The following ITFG1 variants were observed in gnomAD, a reference collection of about 807,000 sequenced individuals.
ITFG1 encodes integrin alpha FG-GAP repeat containing 1.
Under a neutral mutation model 81.8 loss-of-function variants are expected in ITFG1, and 34 were observed. The observed-to-expected ratio is 0.42, with a 90% CI of 0.32 to 0.55. The LOEUF (loss-of-function observed/expected upper bound fraction) is 0.55. ITFG1 is among the 20% of genes least tolerant of loss of function. The probability of loss-of-function intolerance (pLI) is 0.17; values close to 1 mark genes in which losing one functional copy is unlikely to be tolerated. For missense variants in ITFG1, 672 were observed against 755.4 expected (o/e 0.89, Z 1.29); for synonymous variants, 285 against 270.6 (o/e 1.05, Z -0.52).
In ITFG1 at chr16:47,274,147, C is replaced by T. The variant is rs866432856; in HGVS notation, c.1071-13452G>A. Among the ~76,000 whole-genome samples the T allele has an allele frequency of 4.6e-5, 7 of 152,046 alleles. No homozygotes were observed. The South Asian group carries it at 1.0e-3, about 23-fold the overall frequency. On this transcript the variant is annotated intron_variant, in intron 10 of 17. Coordinates refer to ENST00000320640, the MANE Select transcript of ITFG1 (RefSeq NM_030790.5). ...TGGTGGGTGCCTGTAATCCCAACTA[C>T]TCGGGAGGCTGAGGCAGGAGAATCG...
At chr16:47,311,981 A>T (rs1967272125) in intron 9 of ITFG1, 1 of 152,158 alleles carries the variant, frequency 6.6e-6, no homozygotes, top group South Asian at 2.1e-4. Context: ...TCAGTAACTG[A>T]CAGGCACTTC....
At chr16:47,411,940 A>C (rs1968816913) in intron 6 of ITFG1, among the ~76,000 whole-genome samples, 1 of 152,174 alleles carries the variant, frequency 6.6e-6, no homozygotes, top group South Asian at 2.1e-4. Flanking sequence ...ACCACCAAAA[A>C]AAATTCTTCC....
At chr16:47,229,866 G>A (rs139654262) in intron 13 of ITFG1, among the ~76,000 whole-genome samples, 2 of 152,194 alleles carry the variant, frequency 1.3e-5, no homozygotes, top group East Asian at 1.9e-4. Flanking sequence ...GCTCATGTGC[G>A]GTTTCATGTC....
At chr16:47,399,871 A>T (rs911649086) in intron 6 of ITFG1, among the ~76,000 whole-genome samples, 1 of 152,150 alleles carries the variant, frequency 6.6e-6, no homozygotes, top group African/African-American at 2.4e-5. Flanking sequence ...CTACATATGT[A>T]TGCTTTTATT....
intron 5 of ITFG1, among the ~76,000 whole-genome samples, chr16:47,441,320 C>T (rs1444215461): frequency 6.6e-6 from 1 of 152,210 alleles, no homozygotes; most frequent in Non-Finnish European, 1.5e-5. Context: ...TCCTCCCTAA[C>T]TCATTTTATG....
At chr16:47,364,577 A>T (rs1968151278) in intron 8 of ITFG1, among the ~76,000 whole-genome samples, 1 of 152,204 alleles carries the variant, frequency 6.6e-6, no homozygotes, top group South Asian at 2.1e-4. Flanking sequence ...TAGCCAGAAA[A>T]TTCCAAAAAA....
intron 6 of ITFG1, among the ~76,000 whole-genome samples, chr16:47,424,514 C>G (rs1968994288): frequency 1.3e-5 from 2 of 152,248 alleles, no homozygotes; most frequent in South Asian, 2.1e-4. Context: ...AAGAGGTGCT[C>G]TGGTTTTTGG....
At chr16:47,451,642 G>A (rs1367344313) in intron 4 of ITFG1, among the ~76,000 whole-genome samples, 172 bp from the exon 5 acceptor site, 1 of 152,134 alleles carries the variant, frequency 6.6e-6, no homozygotes, top group Non-Finnish European at 1.5e-5. Context: ...TCACTTTTAG[G>A]CCAAAGTGTA....
chr16:47,239,414 T>A lies in ITFG1; in HGVS notation c.1331-1406A>T, dbSNP rs576803610. 2.6e-4 allele frequency among the ~76,000 whole-genome samples: 40 copies of A among 152,234 alleles called. No individual in the cohort carries two copies. The East Asian group carries it at 4.4e-3, about 17-fold the overall frequency. On this transcript the variant is annotated intron_variant, in intron 12 of 17. Transcript: ENST00000320640. ...CGGGGTTTCACCATGCTGGCCAGGA[T>A]GGTCTCAATCTCTTGACCTTGTGAT...
At position 47,161,796 on chromosome 16, in the gene ITFG1, T is replaced by C. The variant is rs1964809845; in HGVS notation, c.1615A>G (p.Asn539Asp). 1.2e-6 allele frequency: 2 copies of C among 1,611,192 alleles called. No individual in the cohort carries two copies. The highest frequency in any genetic ancestry group is 2.2e-5 in the South Asian group (2 of 91,016). Residue 539 changes from asparagine to aspartate, a missense_variant, in exon 16 of 18, where the codon AAT becomes GAT. By Grantham distance (23) the Asn-to-Asp change is conservative. Around this residue, in one of 3 missense-constraint regions of ITFG1, gnomAD observed 65 missense variants for 103.3 expected, o/e 0.63. Transcript: ENST00000320640. The stretch of plus-strand genomic sequence containing the variant: ...TATGGAATGACAATTAGCTGGGAAT[T>C]TGGAATGATTGCAGTCCACTCTTGT... The part of the protein sequence containing the change: ...RKQEWTAIIP[N>D]SQLIVIPYPH...
chr16:47,444,618 GATAAA>G, intron 5 of ITFG1, among the ~76,000 whole-genome samples: 1 of 152,178 alleles, frequency 6.6e-6, no homozygotes, highest in East Asian at 1.9e-4. Context: ...AATTTCATAA[GATAAA>G]ATAAGATGCT....
intron 6 of ITFG1, among the ~76,000 whole-genome samples, chr16:47,411,294 A>G (rs1968807483): frequency 6.6e-6 from 1 of 152,190 alleles, no homozygotes; most frequent in Non-Finnish European, 1.5e-5. Flanking sequence ...TGCCAGCCAC[A>G]GCCTGTGACT....
chr16:47,359,800 T>A (rs1400923466), intron 8 of ITFG1, among the ~76,000 whole-genome samples: 1 of 152,260 alleles, frequency 6.6e-6, no homozygotes, highest in Non-Finnish European at 1.5e-5. Flanking sequence ...AGATCAGATG[T>A]AACCTCCAAC....
chr16:47,226,298 C>T (rs1295176425), intron 13 of ITFG1, among the ~76,000 whole-genome samples: 1 of 152,228 alleles, frequency 6.6e-6, no homozygotes, highest in South Asian at 2.1e-4. Context: ...CAACCTCCGC[C>T]TCCGGGGTTC....
At chr16:47,278,280 G>C (rs922981775) in intron 10 of ITFG1, among the ~76,000 whole-genome samples, 1 of 152,148 alleles carries the variant, frequency 6.6e-6, no homozygotes, top group Admixed American at 6.6e-5. Context: ...AGTCACAGGG[G>C]TCTCAGTTGT....
chr16:47,220,286 C>G (rs1200277786), intron 13 of ITFG1, among the ~76,000 whole-genome samples: 1 of 152,212 alleles, frequency 6.6e-6, no homozygotes, highest in Non-Finnish European at 1.5e-5. Flanking sequence ...TAGGTAAAAA[C>G]TATTTTCATA....
chr16:47,212,099 A>G (rs1199814826), intron 14 of ITFG1, among the ~76,000 whole-genome samples: 2 of 151,938 alleles, frequency 1.3e-5, no homozygotes, highest in African/African-American at 4.8e-5. Flanking sequence ...CATGAGGACT[A>G]TCTGTCTACA....
chr16:47,159,161 GA>G (rs1219075907), intron 16 of ITFG1, among the ~76,000 whole-genome samples, 171 bp from the exon 17 acceptor site: 2 of 152,082 alleles, frequency 1.3e-5, no homozygotes, highest in Non-Finnish European at 2.9e-5. Flanking sequence ...TTAAAAATCA[GA>G]TAGTGCTGAG....
chr16:47,229,367 GGAGGTGACA>G (rs1965791522), intron 13 of ITFG1, among the ~76,000 whole-genome samples: 1 of 152,156 alleles, frequency 6.6e-6, no homozygotes, highest in African/African-American at 2.4e-5. Context: ...TGCAGGAACA[GGAGGTGACA>G]GAGGTGACAG....
Sources: gnomAD v4.1 joint callset for allele counts (sites outside exome capture counted in the v4.1 genomes callset) on GRCh38, gnomAD v4.1.1 for gene constraint, gnomAD v4.1.1 regional missense constraint, MANE v1.5 for transcripts, NCBI Gene and HGNC (gene_info 2026-07-23, HGNC 2026-07-21) for gene names.